RPL5: variants seen among roughly 807,000 people sequenced by gnomAD.
RPL5 encodes the protein ribosomal protein L5, also known as large ribosomal subunit protein uL18.
In RPL5, 1 loss-of-function variant was observed where a neutral mutation model predicts 38.4. The observed-to-expected ratio is 0.03, with a 90% CI of 0.01 to 0.12. The LOEUF is 0.12. RPL5 is among the 10% of genes least tolerant of loss of function. The pLI, the probability that RPL5 is intolerant of heterozygous loss-of-function variation, is 1.00. For synonymous variants in RPL5, 109 were observed against 121.2 expected, an observed-to-expected ratio of 0.90 and a Z score of 0.66; for missense variants, 243 against 374.1, an observed-to-expected ratio of 0.65 and a Z score of 2.89.
intron 7 of RPL5, 66 bp downstream of exon 7, chr1:92,840,705 C>A: frequency 8.6e-7 from 1 of 1,158,702 alleles, no homozygotes; most frequent in Non-Finnish European, 1.3e-6. Flanking sequence ...GTGGGGCAGA[C>A]TGTTGGTGTA....
rs780657111 is a variant in RPL5, at chr1:92,833,375, CT to C, written c.4-8del. The C allele has an allele frequency of 2.5e-6, 4 of 1,597,408 alleles. No homozygotes were observed. In the South Asian group the frequency reaches 4.4e-5, roughly 18 times the overall value. On this transcript the variant is annotated splice_polypyrimidine_tract_variant and intron_variant, in intron 1 of 7. Transcript: ENST00000370321. ...AAGACATCAAAGTTTTAATAACATT[CT>C]TTTTTCTTTAAGGGGTTTGTTAAAG... is the stretch of plus-strand genomic sequence containing the variant.
chr1:92,839,957 C>T (rs931896788), intron 6 of RPL5, among the ~76,000 whole-genome samples: 1 of 151,570 alleles, frequency 6.6e-6, no homozygotes, highest in African/African-American at 2.4e-5. Context: ...TCTCCCACCT[C>T]AGCCTCTCGA....
rs1457394773 is a variant in RPL5 at position 92,834,021 on chromosome 1, C to T, written c.189+361C>T. ...TACTCAGTGGGAGGATTGTTTGAGC[C>T]CCGAGGTTGAGGCTGCAGTGAAGTG... is the stretch of plus-strand genomic sequence containing the variant. On this transcript the variant is annotated intron_variant, in intron 3 of 7. Transcript: ENST00000370321. 5 of 308,624 alleles carry T rather than the reference C, an allele frequency of 1.6e-5. No individual in the cohort carries two copies. The Admixed American group carries it at 2.4e-4, about 15-fold the overall frequency. 19.1% of individuals were successfully genotyped at this position (308,624 alleles called of 1,614,324 possible). A position where few individuals can be genotyped will look rare whatever the true frequency, so the allele number is the denominator to read the frequency against.
At chr1:92,837,386 CTAAAG>C in intron 5 of RPL5, 65 bp from the exon 6 acceptor site, 1 of 1,345,650 alleles carries the variant, frequency 7.4e-7, no homozygotes, top group South Asian at 1.2e-5. Flanking sequence ...ATGGCAGCTA[CTAAAG>C]TAAATTCTTA....
At chr1:92,833,339 TATC>T in intron 1 of RPL5, 47 bp from the exon 2 acceptor site, 1 of 1,414,186 alleles carries the variant, frequency 7.1e-7, no homozygotes, top group Non-Finnish European at 1.0e-6. Flanking sequence ...ATGTCAAAAG[TATC>T]ATAGGCTAAG....
intron 6 of RPL5, among the ~76,000 whole-genome samples, chr1:92,838,758 T>C (rs1687221328): frequency 6.6e-6 from 1 of 152,206 alleles, no homozygotes; most frequent in Non-Finnish European, 1.5e-5. Context: ...TGAATGACTA[T>C]ATATGAAGTC....
intron 6 of RPL5, among the ~76,000 whole-genome samples, chr1:92,839,355 T>C (rs915825208): frequency 1.5e-4 from 23 of 152,172 alleles, no homozygotes; most frequent in Middle Eastern, 3.2e-3. Flanking sequence ...CGAGACTTCA[T>C]GTCAAAAAAC....
chr1:92,836,464 A>G, intron 5 of RPL5, 72 bp downstream of exon 5: 1 of 1,383,064 alleles, frequency 7.2e-7, no homozygotes, highest in Non-Finnish European at 1.0e-6. Context: ...TGGACTGTGG[A>G]GATAACCGAA....
Position 92,841,867 on chromosome 1 carries a change from C to T in RPL5, c.*2C>T, listed in dbSNP as rs1687380002. The T allele has an allele frequency of 6.2e-7, 1 of 1,609,290 alleles. No individual in the cohort carries two copies. Among genetic ancestry groups the T allele is most frequent in the Non-Finnish European group, 8.5e-7 (1 of 1,177,430 alleles). Reference sequence around the variant, plus strand: ...CAGGAGCGGGCTGCTGAGAGCTAAACCCAGCAATTTTCTATGATTTTTTCA... The same window carrying T: ...CAGGAGCGGGCTGCTGAGAGCTAAATCCAGCAATTTTCTATGATTTTTTCA... On this transcript the variant is annotated 3_prime_UTR_variant, in exon 8 of 8. Coordinates refer to ENST00000370321, the MANE Select transcript of RPL5 (RefSeq NM_000969.5).
At chr1:92,832,362 T>C (rs911782565) in intron 1 of RPL5, 2 of 649,804 alleles carry the variant, frequency 3.1e-6, no homozygotes, top group Non-Finnish European at 2.8e-6. Flanking sequence ...GGGAGAAGGG[T>C]GAGTTTAGTA....
intron 7 of RPL5, among the ~76,000 whole-genome samples, chr1:92,841,512 T>C (rs1014308117): frequency 6.6e-6 from 1 of 152,128 alleles, no homozygotes; most frequent in African/African-American, 2.4e-5. Context: ...TACCTAGAAG[T>C]GGTATTACTG....
At chr1:92,834,648 A>G (rs753911047) in intron 3 of RPL5, 131 bp from the exon 4 acceptor site, 51 of 1,215,574 alleles carry the variant, frequency 4.2e-5, no homozygotes, top group Non-Finnish European at 5.9e-5. Flanking sequence ...TAACCCAGCT[A>G]AGAGTCTTAA....
chr1:92,840,026 TA>T (rs1435470876), intron 6 of RPL5, among the ~76,000 whole-genome samples: 19 of 150,296 alleles, frequency 1.3e-4, no homozygotes, highest in Non-Finnish European at 7.4e-5. Context: ...TTTTTTTTTT[TA>T]ATTTTTGGTA....
chr1:92,834,961 GGAGAGT>G, intron 4 of RPL5, 48 bp downstream of exon 4: 1 of 1,599,376 alleles, frequency 6.3e-7, no homozygotes, highest in Non-Finnish European at 8.5e-7. Flanking sequence ...CTGATTGCTT[GGAGAGT>G]TTTCTGCAAG....
In RPL5 at chr1:92,836,473, A is replaced by C. The variant is rs1479393194; in HGVS notation, c.527+81A>C. The C allele has an allele frequency of 3.9e-6, 5 of 1,292,432 alleles. No individual in the cohort carries two copies. The African/African-American group carries it at 7.3e-5, about 19-fold the overall frequency. 80.1% of individuals were successfully genotyped at this position (1,292,432 alleles called of 1,614,324 possible). A position where few individuals can be genotyped will look rare whatever the true frequency, so the allele number is the denominator to read the frequency against. On this transcript the variant is annotated intron_variant, in intron 5 of 7. Coordinates refer to ENST00000370321, the MANE Select transcript of RPL5 (RefSeq NM_000969.5). ...ACTAGTTGGACTGTGGAGATAACCGAATTAAAGTAGCTATCAATTGAATGC... is the reference window on the plus strand; with the variant it reads ...ACTAGTTGGACTGTGGAGATAACCGCATTAAAGTAGCTATCAATTGAATGC...
intron 3 of RPL5, 106 bp from the exon 4 acceptor site, chr1:92,834,673 G>T (rs927654563): frequency 1.4e-6 from 2 of 1,465,964 alleles, no homozygotes; most frequent in African/African-American, 1.4e-5. Context: ...TTTAAGTGAT[G>T]TTCATCTGTG....
intron 3 of RPL5, 32 bp downstream of exon 3, chr1:92,833,692 T>A (rs1346800907): frequency 2.6e-6 from 4 of 1,548,642 alleles, no homozygotes; most frequent in Admixed American, 1.7e-5. Context: ...CCCCTTTTTT[T>A]ATTGCTAGAG....
At position 92,837,045 on chromosome 1, in the gene RPL5, G is replaced by A. The variant is rs142428734; in HGVS notation, c.528-411G>A. The A allele has an allele frequency of 4.5e-5, 13 of 292,038 alleles. 1 individual carries two copies. Among genetic ancestry groups the A allele is most frequent in the African/African-American group, 2.9e-4 (13 of 45,478 alleles). The allele number at this position is 292,038 out of a possible 1,614,324, so 18.1% of individuals were successfully genotyped here. A position where few individuals can be genotyped will look rare whatever the true frequency, so the allele number is the denominator to read the frequency against. On this transcript the variant is annotated intron_variant, in intron 5 of 7. Transcript: ENST00000370321. Reference sequence around the variant, plus strand: ...TTTATGATGTGGAGGTGGGTGGGGGGAGTTAGTTGCAAGTACACCAAGAGC... The same window carrying A: ...TTTATGATGTGGAGGTGGGTGGGGGAAGTTAGTTGCAAGTACACCAAGAGC...
chr1:92,834,178 T>G (rs1452138884), intron 3 of RPL5, among the ~76,000 whole-genome samples: 1 of 152,220 alleles, frequency 6.6e-6, no homozygotes, highest in Non-Finnish European at 1.5e-5. Context: ...GAATAGGGTT[T>G]GTCCTGATTT....
Sources: gnomAD v4.1 joint callset for allele counts (sites outside exome capture counted in the v4.1 genomes callset) on GRCh38, gnomAD v4.1.1 for gene constraint, MANE v1.5 for transcripts, NCBI Gene and HGNC (gene_info 2026-07-23, HGNC 2026-07-21) for gene names.